The following MRPS25 variants were observed in gnomAD, a reference collection of about 807,000 sequenced individuals.
MRPS25 encodes the protein small ribosomal subunit protein mS25.
A neutral mutation model predicts 17.3 loss-of-function variants in MRPS25; 15 were observed. The observed-to-expected ratio is 0.87, with a 90% CI of 0.58 to 1.34. The LOEUF is 1.34. Among genes scored for constraint, MRPS25 ranks in the 40% most tolerant of loss-of-function variants. The pLI is 0.00. For missense variants in MRPS25, 225 were observed against 218.6 expected (o/e 1.03, Z -0.19); for synonymous variants, 94 against 83.3 (o/e 1.13, Z -0.70).
At position 15,051,855 on chromosome 3, in the gene MRPS25, T is replaced by C; in HGVS notation, c.*586A>G. 1.0e-6 allele frequency: 1 copy of C among 985,306 alleles called. No homozygotes were observed. The highest frequency in any genetic ancestry group is 4.7e-5 in the South Asian group (1 of 21,274). 61.0% of individuals were successfully genotyped at this position (985,306 alleles called of 1,614,324 possible). A position where few individuals can be genotyped will look rare whatever the true frequency, so the allele number is the denominator to read the frequency against. On this transcript the variant is annotated 3_prime_UTR_variant, in exon 4 of 4. Coordinates refer to ENST00000253686, the MANE Select transcript of MRPS25 (RefSeq NM_022497.5). ...AGGCTGGCCTGTCAGCCACTGGGGC[T>C]CCTCCATCTCTGGCCCATGGCTAGG...
chr3:15,043,395 G>C (rs1306313102), downstream of MRPS25: 1 of 154,324 alleles, frequency 6.5e-6, no homozygotes, highest in African/African-American at 2.4e-5. Context: ...TGGAATTATA[G>C]ATACTAATTA....
downstream of MRPS25, chr3:15,043,375 A>T (rs373343777): frequency 2.6e-4 from 41 of 155,802 alleles, no homozygotes; most frequent in South Asian, 1.6e-3. Context: ...TATATATATA[A>T]AAAAGTCCTT....
intron 3 of MRPS25, 102 bp from the exon 4 acceptor site, chr3:15,052,735 T>C: frequency 8.3e-7 from 1 of 1,208,622 alleles, no homozygotes; most frequent in Non-Finnish European, 1.2e-6. Context: ...CAGGGACACC[T>C]GGATCTCCTG....
rs1051042663 is a variant in MRPS25 at position 15,051,578 on chromosome 3, A to C, written c.*863T>G. Reference sequence around the variant, plus strand: ...GCATAACTAAAGTGACAGTAACATCAGTGTCCTATGAGGAAAGAACAAGGA... The same window carrying C: ...GCATAACTAAAGTGACAGTAACATCCGTGTCCTATGAGGAAAGAACAAGGA... On this transcript the variant is annotated 3_prime_UTR_variant, in exon 4 of 4. Coordinates refer to ENST00000253686, the MANE Select transcript of MRPS25 (RefSeq NM_022497.5). The C allele has an allele frequency of 2.0e-6, 2 of 985,310 alleles. No individual in the cohort carries two copies. Among genetic ancestry groups the C allele is most frequent in the African/African-American group, 3.5e-5 (2 of 57,232 alleles). The allele number at this position is 985,310 out of a possible 1,614,324, so 61.0% of individuals were successfully genotyped here. A position where few individuals can be genotyped will look rare whatever the true frequency, so the allele number is the denominator to read the frequency against.
At chr3:15,060,605 G>A (rs986987614) in intron 1 of MRPS25, among the ~76,000 whole-genome samples, 4 of 152,020 alleles carry the variant, frequency 2.6e-5, no homozygotes, top group South Asian at 2.1e-4. Context: ...TTAAGCCGCC[G>A]GGCGCGGTGG....
In MRPS25 at chr3:15,052,385, T is replaced by C; in HGVS notation, c.*56A>G. ...GCTTCCCTGGGCCAAAGTAATCCCA[T>C]TCCAATCTCCCCACTGGTCAGACAC... is the stretch of plus-strand genomic sequence containing the variant. On this transcript the variant is annotated 3_prime_UTR_variant, in exon 4 of 4. Transcript: ENST00000253686. The C allele has an allele frequency of 6.4e-7, 1 of 1,564,188 alleles. No homozygotes were observed.
chr3:15,052,221 C>T lies in MRPS25; in HGVS notation c.*220G>A, dbSNP rs566810761. ...TACACGCCAAGCTGCTATTAGGAAG[C>T]GTTTTATTGACCAGCAGAGCAGGGA... is the stretch of plus-strand genomic sequence containing the variant. On this transcript the variant is annotated 3_prime_UTR_variant, in exon 4 of 4. Transcript: ENST00000253686. 6 of 1,281,686 alleles carry T rather than the reference C, an allele frequency of 4.7e-6. No individual in the cohort carries two copies. Among genetic ancestry groups the T allele is most frequent in the East Asian group, 3.0e-5 (1 of 33,522 alleles). The allele number at this position is 1,281,686 out of a possible 1,614,324, so 79.4% of individuals were successfully genotyped here.
chr3:15,050,666 G>C lies in MRPS25; in HGVS notation c.*1775C>G. ...GCTTTTTCCACCCAGCCAAAATGCT[G>C]ATAGCAGAGAGACAAGATGCTAGAT... On this transcript the variant is annotated 3_prime_UTR_variant, in exon 4 of 4. Coordinates refer to ENST00000253686, the MANE Select transcript of MRPS25 (RefSeq NM_022497.5). The C allele has an allele frequency of 1.0e-6, 1 of 985,426 alleles. No homozygotes were observed. The highest frequency in any genetic ancestry group is 4.7e-5 in the South Asian group (1 of 21,292). The allele number at this position is 985,426 out of a possible 1,614,324, so 61.0% of individuals were successfully genotyped here.
chr3:15,047,442 T>A, downstream of MRPS25: 1 of 152,034 alleles, frequency 6.6e-6, no homozygotes, highest in East Asian at 1.9e-4. Context: ...ATTTTTAACC[T>A]TTTCATGCAC....
At chr3:15,053,662 A>G in intron 2 of MRPS25, 195 bp from the exon 3 acceptor site, 1 of 654,706 alleles carries the variant, frequency 1.5e-6, no homozygotes, top group Non-Finnish European at 2.7e-6. Context: ...TAAACTTTAG[A>G]TATGTAAAAA....
At chr3:15,042,586 G>A, downstream of MRPS25, 1 of 368,016 alleles carries the variant, frequency 2.7e-6, no homozygotes, top group Non-Finnish European at 4.9e-6. Flanking sequence ...TGGTGGTGGG[G>A]GTGAGGAGAG....
rs138083096 is a variant in MRPS25, at chr3:15,057,475, C to T, written c.241+1894G>A. On this transcript the variant is annotated intron_variant, in intron 2 of 3. Transcript: ENST00000253686. ...GCCAGAAGCAGCAAAAACCACGAAA[C>T]ATGTAACCTGGGTGAATCTCAAAAC... Among the ~76,000 whole-genome samples, 291 of 152,342 alleles carry T rather than the reference C, an allele frequency of 1.9e-3. 1 individual carries two copies. The highest frequency in any genetic ancestry group is 6.5e-3 in the African/African-American group (270 of 41,580).
At position 15,065,260 on chromosome 3, in the gene MRPS25, T is replaced by G. The variant is rs569995490; in HGVS notation, c.-66A>C. The G allele has an allele frequency of 1.5e-5, 22 of 1,481,894 alleles. No individual in the cohort carries two copies. Among genetic ancestry groups the G allele is most frequent in the Non-Finnish European group, 1.7e-5 (19 of 1,114,316 alleles). 91.8% of individuals were successfully genotyped at this position (1,481,894 alleles called of 1,614,324 possible). A position where few individuals can be genotyped will look rare whatever the true frequency, so the allele number is the denominator to read the frequency against. ...CGAGCAGCGACGAGAAAGGACTAGC[T>G]AGCACCCGCGCGGATCTCACGCGGC... is the stretch of plus-strand genomic sequence containing the variant. On this transcript the variant is annotated 5_prime_UTR_variant, in exon 1 of 4. Transcript: ENST00000253686.
Position 15,064,996 on chromosome 3 carries a change from C to T in MRPS25, c.134+65G>A, listed in dbSNP as rs1354765159. 3.9e-6 allele frequency: 6 copies of T among 1,544,094 alleles called. No individual in the cohort carries two copies. The South Asian group carries it at 5.9e-5, about 15-fold the overall frequency. On this transcript the variant is annotated intron_variant, in intron 1 of 3. Transcript: ENST00000253686. ...CCGCCCAGAGCGACTCGGGACCTCA[C>T]GTTACCAGCAGGCTGGCACGACTAG...
chr3:15,062,457 C>T (rs2042786808), intron 1 of MRPS25, among the ~76,000 whole-genome samples: 1 of 146,336 alleles, frequency 6.8e-6, no homozygotes, highest in African/African-American at 2.5e-5. Flanking sequence ...GGGGGTCAGC[C>T]CCCTGCCCGG....
At chr3:15,055,504 C>T (rs1036332685) in intron 2 of MRPS25, among the ~76,000 whole-genome samples, 4 of 152,138 alleles carry the variant, frequency 2.6e-5, no homozygotes, top group Admixed American at 6.5e-5. Context: ...TCTCATAGGT[C>T]GCTAGTAGAA....
Position 15,050,143 on chromosome 3 carries a change from G to A in MRPS25, c.*2298C>T. 7.4e-7 allele frequency: 1 copy of A among 1,350,236 alleles called. No homozygotes were observed. Among genetic ancestry groups the A allele is most frequent in the East Asian group, 3.3e-5 (1 of 30,402 alleles). 83.6% of individuals were successfully genotyped at this position (1,350,236 alleles called of 1,614,324 possible). A position where few individuals can be genotyped will look rare whatever the true frequency, so the allele number is the denominator to read the frequency against. ...TTAAAGAGAAACTATCCAGGATCAAGTAGCCTACAGGGAACAAAAAAAGAA... is the reference window on the plus strand; with the variant it reads ...TTAAAGAGAAACTATCCAGGATCAAATAGCCTACAGGGAACAAAAAAAGAA... On this transcript the variant is annotated 3_prime_UTR_variant, in exon 4 of 4. Coordinates refer to ENST00000253686, the MANE Select transcript of MRPS25 (RefSeq NM_022497.5).
chr3:15,043,200 T>C (rs556251547), downstream of MRPS25: 15 of 417,000 alleles, frequency 3.6e-5, no homozygotes, highest in South Asian at 1.1e-3. Flanking sequence ...ACATAAGAAA[T>C]GTTTTAATGC....
intron 1 of MRPS25, among the ~76,000 whole-genome samples, chr3:15,063,918 G>A (rs1255563231): frequency 6.6e-6 from 1 of 151,994 alleles, no homozygotes; most frequent in African/African-American, 2.4e-5. Flanking sequence ...GAGTATCTGG[G>A]TGCCCATACA....
Sources: allele counts gnomAD v4.1 joint callset (sites outside exome capture counted in the v4.1 genomes callset), GRCh38; gene constraint gnomAD v4.1.1; transcripts MANE v1.5; gene names NCBI Gene and HGNC (gene_info 2026-07-23, HGNC 2026-07-21).